The following PARD3 variants were observed in gnomAD, a reference collection of about 807,000 sequenced individuals.
PARD3 encodes par-3 family cell polarity regulator.
Under a neutral mutation model 155.4 loss-of-function variants are expected in PARD3, and 75 were observed. The ratio of observed to expected loss-of-function variants is 0.48; its 90% CI spans 0.40 to 0.58. The LOEUF is 0.58. Among genes scored for constraint, PARD3 ranks in the 20% least tolerant of loss-of-function variants. PARD3 has a pLI of 0.00. For missense variants in PARD3, 1,642 were observed against 1,721.7 expected (o/e 0.95, Z 0.82); for synonymous variants, 576 against 610.5 (o/e 0.94, Z 0.83).
chr10:34,503,731 A>G (rs1643856207), intron 3 of PARD3, among the ~76,000 whole-genome samples: 1 of 152,166 alleles, frequency 6.6e-6, no homozygotes, highest in Non-Finnish European at 1.5e-5. Context: ...GCGGCTGTTT[A>G]ATCCCTAGGG....
chr10:34,688,525 T>A (rs1813683978), intron 2 of PARD3, among the ~76,000 whole-genome samples: 1 of 152,190 alleles, frequency 6.6e-6, no homozygotes, highest in African/African-American at 2.4e-5. Context: ...ACTGAGATGC[T>A]AAGAGTAAAC....
chr10:34,605,131 T>G (rs574708607), intron 2 of PARD3, among the ~76,000 whole-genome samples: 2 of 151,394 alleles, frequency 1.3e-5, no homozygotes, highest in South Asian at 4.2e-4. Context: ...CCATGCCGGA[T>G]GTCAACTACA....
At chr10:34,169,571 TG>T (rs1218501640) in intron 22 of PARD3, among the ~76,000 whole-genome samples, 1 of 151,966 alleles carries the variant, frequency 6.6e-6, no homozygotes, top group Non-Finnish European at 1.5e-5. Flanking sequence ...TGGAGAAAAA[TG>T]GGCATGTGGG....
At chr10:34,684,870 CACACACAT>C (rs1029538259) in intron 2 of PARD3, among the ~76,000 whole-genome samples, 5 of 97,334 alleles carry the variant, frequency 5.1e-5, no homozygotes, top group Non-Finnish European at 8.0e-5. Context: ...TATATATATA[CACACACAT>C]ACACACACAC....
chr10:34,277,607 A>C (rs1955949496), intron 21 of PARD3, among the ~76,000 whole-genome samples: 6 of 152,184 alleles, frequency 3.9e-5, no homozygotes, highest in Non-Finnish European at 2.9e-5. Flanking sequence ...TTAAAGGTAC[A>C]TTTCCAATTC....
chr10:34,539,112 G>C (rs1234270993), intron 2 of PARD3, among the ~76,000 whole-genome samples: 1 of 152,140 alleles, frequency 6.6e-6, no homozygotes, highest in Non-Finnish European at 1.5e-5. Context: ...TCCTGCCTCA[G>C]ACATCACAGG....
At chr10:34,230,071 T>C (rs1469177741) in intron 22 of PARD3, among the ~76,000 whole-genome samples, 3 of 152,124 alleles carry the variant, frequency 2.0e-5, no homozygotes, top group East Asian at 1.9e-4. Flanking sequence ...TAGTGTCAAA[T>C]ATGAATAACC....
intron 1 of PARD3, among the ~76,000 whole-genome samples, chr10:34,718,617 C>T (rs2094557717): frequency 6.6e-6 from 1 of 151,912 alleles, no homozygotes; most frequent in South Asian, 2.1e-4. Flanking sequence ...TGTGATCACA[C>T]CACTGTACTC....
At chr10:34,417,421 T>C (rs1453821692) in intron 5 of PARD3, among the ~76,000 whole-genome samples, 2 of 152,100 alleles carry the variant, frequency 1.3e-5, no homozygotes, top group Non-Finnish European at 2.9e-5. Context: ...CTCAAGAAAA[T>C]TGAAAGAATA....
At chr10:34,708,174 A>T (rs1484674239) in intron 1 of PARD3, among the ~76,000 whole-genome samples, 1 of 152,100 alleles carries the variant, frequency 6.6e-6, no homozygotes, top group African/African-American at 2.4e-5. Context: ...AAGGTAAACA[A>T]TACCATAAGG....
At chr10:34,442,859 A>G (rs1240652975) in intron 5 of PARD3, among the ~76,000 whole-genome samples, 2 of 152,244 alleles carry the variant, frequency 1.3e-5, no homozygotes, top group African/African-American at 4.8e-5. Flanking sequence ...CAACAGAGCA[A>G]GAACCCAGCC....
At chr10:34,521,375 A>G (rs1589864121) in intron 2 of PARD3, among the ~76,000 whole-genome samples, 1 of 151,732 alleles carries the variant, frequency 6.6e-6, no homozygotes, top group East Asian at 1.9e-4. Flanking sequence ...AAAAAAAAAA[A>G]AAAAAAAAGG....
intron 18 of PARD3, 36 bp downstream of exon 18, chr10:34,336,163 C>A: frequency 3.9e-6 from 6 of 1,542,172 alleles, no homozygotes; most frequent in Non-Finnish European, 5.4e-6. Context: ...TGTGGGCCAT[C>A]GTTTCTATGG....
chr10:34,501,157 C>T (rs866105943), intron 3 of PARD3, among the ~76,000 whole-genome samples: 3 of 152,092 alleles, frequency 2.0e-5, no homozygotes, highest in Non-Finnish European at 2.9e-5. Context: ...ATACTTGCCC[C>T]CTGCCCAAAT....
chr10:34,585,694 A>G (rs1422648086), intron 2 of PARD3, among the ~76,000 whole-genome samples: 1 of 151,904 alleles, frequency 6.6e-6, no homozygotes, highest in African/African-American at 2.4e-5. Flanking sequence ...TGCACTGCTT[A>G]TAGTCTTGAA....
intron 1 of PARD3, among the ~76,000 whole-genome samples, chr10:34,702,502 C>T (rs566784764): frequency 1.7e-3 from 258 of 152,294 alleles, no homozygotes; most frequent in African/African-American, 5.5e-3. Flanking sequence ...CAGCCCCTGG[C>T]GGCTCACTGC....
At chr10:34,177,822 G>C (rs1343514365) in intron 22 of PARD3, among the ~76,000 whole-genome samples, 1 of 152,188 alleles carries the variant, frequency 6.6e-6, no homozygotes, top group African/African-American at 2.4e-5. Context: ...CCAGAAAGTG[G>C]GGGTCCTCGC....
intron 3 of PARD3, among the ~76,000 whole-genome samples, chr10:34,486,294 C>G (rs1009317925): frequency 5.3e-5 from 8 of 152,314 alleles, no homozygotes; most frequent in African/African-American, 1.7e-4. Flanking sequence ...CCTTTCCCAT[C>G]ATGGCCCGAA....
rs189672626 is a variant in PARD3, at chr10:34,536,729, G to A, written c.223-19570C>T. On this transcript the variant is annotated intron_variant, in intron 2 of 24. Coordinates refer to ENST00000374788, the MANE Select transcript of PARD3 (RefSeq NM_001184785.2). Reference sequence around the variant, plus strand: ...TGAATTATGGTTCTCACCATTCTTGGTTGAACCTTTACAGTGGTACCTCCT... The same window carrying A: ...TGAATTATGGTTCTCACCATTCTTGATTGAACCTTTACAGTGGTACCTCCT... 1.1e-4 allele frequency among the ~76,000 whole-genome samples: 16 copies of A among 152,240 alleles called. No individual in the cohort carries two copies. In the East Asian group the frequency reaches 2.9e-3, roughly 28 times the overall value.
Sources: allele counts gnomAD v4.1 joint callset (sites outside exome capture counted in the v4.1 genomes callset), GRCh38; gene constraint gnomAD v4.1.1; transcripts MANE v1.5; gene names NCBI Gene and HGNC (gene_info 2026-07-23, HGNC 2026-07-21).